Variants in TRIO observed in about 807,000 individuals in gnomAD.
The protein encoded by TRIO is trio Rho guanine nucleotide exchange factor, also known as triple functional domain protein.
Under a neutral mutation model 351.9 loss-of-function variants are expected in TRIO, and 58 were observed. The observed-to-expected ratio is 0.16, with a 90% CI of 0.13 to 0.21. TRIO has a LOEUF of 0.21. TRIO is among the 10% of genes least tolerant of loss of function. TRIO has a pLI of 1.00. For synonymous variants in TRIO, 1,758 were observed against 1,595.7 expected, an observed-to-expected ratio of 1.10 and a Z score of -2.42; for missense variants, 3,201 against 4,027.8, an observed-to-expected ratio of 0.79 and a Z score of 5.56.
chr5:14,496,964 G>A lies in TRIO; in HGVS notation c.7966G>A (p.Glu2656Lys), dbSNP rs771433340. The A allele has an allele frequency of 1.1e-5, 18 of 1,614,104 alleles. No homozygotes were observed. Among genetic ancestry groups the A allele is most frequent in the Non-Finnish European group, 1.2e-5 (14 of 1,180,054 alleles). ...DKDGKREGKL[E>K]NGYRKSREGL... Reference sequence around the variant, plus strand: ...AGACGGCAAAAGGGAAGGCAAGTTAGAGAACGGTTATCGGAAGTCACGGGA... The same window carrying A: ...AGACGGCAAAAGGGAAGGCAAGTTAAAGAACGGTTATCGGAAGTCACGGGA... Residue 2656 changes from glutamate to lysine, a missense_variant, in exon 50 of 57, where the codon GAG (glutamate) becomes AAG (lysine). Transcript: ENST00000344204.
At chr5:14,326,623 G>A (rs1459293410) in intron 9 of TRIO, among the ~76,000 whole-genome samples, 1 of 152,208 alleles carries the variant, frequency 6.6e-6, no homozygotes, top group Non-Finnish European at 1.5e-5. Context: ...AAGGGAAGCA[G>A]CAAGCCCCAG....
chr5:14,287,243 G>A (rs1016518432), intron 4 of TRIO, 180 bp downstream of exon 4: 30 of 660,410 alleles, frequency 4.5e-5, no homozygotes, highest in Admixed American at 6.1e-5. Flanking sequence ...TTCATCATCC[G>A]AGTGGATTGT....
At chr5:14,455,983 TG>T (rs1448202374) in intron 34 of TRIO, among the ~76,000 whole-genome samples, 2 of 152,236 alleles carry the variant, frequency 1.3e-5, no homozygotes, top group East Asian at 3.8e-4. Context: ...TTGGGCATGG[TG>T]GGCTGCAGGT....
chr5:14,209,713 G>C (rs760508456), intron 1 of TRIO, among the ~76,000 whole-genome samples: 4 of 152,182 alleles, frequency 2.6e-5, no homozygotes, highest in Middle Eastern at 3.2e-3. Context: ...AGGTTGTGCA[G>C]CACACTTTTT....
intron 41 of TRIO, 75 bp from the exon 42 acceptor site, chr5:14,479,186 A>G: frequency 8.0e-7 from 1 of 1,248,894 alleles, no homozygotes; most frequent in Non-Finnish European, 1.2e-6. Context: ...AATGTGCTGA[A>G]ATGTGCGGGT....
At chr5:14,429,447 A>T (rs1023633516) in intron 34 of TRIO, among the ~76,000 whole-genome samples, 5 of 152,322 alleles carry the variant, frequency 3.3e-5, no homozygotes, top group African/African-American at 1.2e-4. Flanking sequence ...TGAGCTGAAA[A>T]TGCAAAGAGA....
chr5:14,406,212 CATT>C lies in TRIO; in HGVS notation c.4859+223_4859+225del, dbSNP rs749442149. On this transcript the variant is annotated intron_variant, in intron 32 of 56. Coordinates refer to ENST00000344204, the MANE Select transcript of TRIO (RefSeq NM_007118.4). ...AACGAAGGGCTGTGTGCAAACCTCT[CATT>C]GTTTTGCCTTTCTCACCCCGAGCAC... is the stretch of plus-strand genomic sequence containing the variant. 2.2e-4 allele frequency: 147 copies of C among 683,440 alleles called. 1 individual carries two copies. The highest frequency in any genetic ancestry group is 6.3e-4 in the South Asian group (31 of 49,318). The allele number at this position is 683,440 out of a possible 1,614,324, so 42.3% of individuals were successfully genotyped here.
intron 10 of TRIO, 112 bp downstream of exon 10, chr5:14,331,012 C>T: frequency 6.8e-7 from 1 of 1,473,546 alleles, no homozygotes; most frequent in Non-Finnish European, 9.2e-7. Context: ...GTGTTTGACA[C>T]CTCAGATGAG....
intron 1 of TRIO, among the ~76,000 whole-genome samples, chr5:14,165,054 T>G (rs903683203): frequency 1.3e-5 from 2 of 152,230 alleles, no homozygotes; most frequent in African/African-American, 4.8e-5. Context: ...GGAAATCAAA[T>G]GGATCAAAGC....
intron 9 of TRIO, among the ~76,000 whole-genome samples, chr5:14,321,873 A>G (rs1485077269): frequency 2.0e-5 from 3 of 152,210 alleles, no homozygotes; most frequent in Non-Finnish European, 2.9e-5. Flanking sequence ...GAGTTCCCCT[A>G]CACAAGCTCT....
chr5:14,202,310 TTTTTTTTTTTTTTTTTTTTTG>T (rs1221977652), intron 1 of TRIO, among the ~76,000 whole-genome samples: 8 of 116,024 alleles, frequency 6.9e-5, no homozygotes, highest in Non-Finnish European at 8.9e-5. Context: ...TTTTTTTTTT[TTTTTTTTTTTTTTTTTTTTTG>T]CTCATCAGCT....
intron 1 of TRIO, among the ~76,000 whole-genome samples, chr5:14,208,190 CAA>C (rs36030458): frequency 0.51 from 77,343 of 151,964 alleles, 20,853 homozygotes; most frequent in Non-Finnish European, 0.6. Flanking sequence ...CATGTCTGCA[CAA>C]AGACTTTTCT....
chr5:14,361,891 G>A (rs1052518799), intron 13 of TRIO, among the ~76,000 whole-genome samples: 44 of 152,174 alleles, frequency 2.9e-4, no homozygotes, highest in Non-Finnish European at 4.4e-5. Flanking sequence ...GCCAAGGTGG[G>A]CAGATCACCT....
At chr5:14,271,989 C>T (rs535291548) in intron 2 of TRIO, among the ~76,000 whole-genome samples, 1 of 152,176 alleles carries the variant, frequency 6.6e-6, no homozygotes, top group South Asian at 2.1e-4. Context: ...TTGGAAGGTT[C>T]ACAGAAGAGT....
intron 26 of TRIO, 49 bp from the exon 27 acceptor site, chr5:14,390,852 C>G: frequency 6.7e-7 from 1 of 1,485,008 alleles, no homozygotes; most frequent in Non-Finnish European, 9.1e-7. Flanking sequence ...GTTTATCATG[C>G]GTTGACTTGT....
At chr5:14,174,769 C>T (rs1424760358) in intron 1 of TRIO, among the ~76,000 whole-genome samples, 1 of 152,118 alleles carries the variant, frequency 6.6e-6, no homozygotes, top group Admixed American at 6.5e-5. Flanking sequence ...CAGTCGAGAC[C>T]TATGAATTTT....
intron 36 of TRIO, among the ~76,000 whole-genome samples, chr5:14,463,197 C>G (rs1753963180): frequency 6.6e-6 from 1 of 152,192 alleles, no homozygotes; most frequent in African/African-American, 2.4e-5. Flanking sequence ...ATTGCCACTT[C>G]TAAAGTAATT....
At chr5:14,156,078 A>G (rs1788089171) in intron 1 of TRIO, among the ~76,000 whole-genome samples, 1 of 152,148 alleles carries the variant, frequency 6.6e-6, no homozygotes, top group Non-Finnish European at 1.5e-5. Flanking sequence ...GCAATGAGCT[A>G]TGATCTTTTG....
chr5:14,192,474 A>G (rs144056785), intron 1 of TRIO, among the ~76,000 whole-genome samples: 221 of 152,188 alleles, frequency 1.5e-3, no homozygotes, highest in Middle Eastern at 3.4e-3. Context: ...AGGTCTCACT[A>G]TATTGCCCAG....
Sources: allele counts gnomAD v4.1 joint callset (sites outside exome capture counted in the v4.1 genomes callset), GRCh38; gene constraint gnomAD v4.1.1; transcripts MANE v1.5; gene names NCBI Gene and HGNC (gene_info 2026-07-23, HGNC 2026-07-21).